The following ORC5 variants were observed in gnomAD, a reference collection of about 807,000 sequenced individuals.
ORC5 encodes the protein protein phosphatase 1, regulatory subunit 117.
Under a neutral mutation model 58.8 loss-of-function variants are expected in ORC5, and 39 were observed. That is an observed-to-expected ratio of 0.66 (90% confidence interval 0.51 to 0.87). The LOEUF is 0.87. Ranked by LOEUF, ORC5 falls within the 40% of genes least tolerant of loss-of-function variation. The probability of loss-of-function intolerance (pLI) is 0.00; values close to 1 mark genes in which losing one functional copy is unlikely to be tolerated. For missense variants in ORC5, 493 were observed against 506.3 expected, an observed-to-expected ratio of 0.97 and a Z score of 0.25; for synonymous variants, 218 against 177.6, an observed-to-expected ratio of 1.23 and a Z score of -1.81.
At chr7:104,141,015 A>G (rs373364634) in intron 12 of ORC5, among the ~76,000 whole-genome samples, 2 of 152,348 alleles carry the variant, frequency 1.3e-5, no homozygotes, top group African/African-American at 4.8e-5. Flanking sequence ...ATGGTGCCAG[A>G]AACTCACCTG....
rs59433751 is a variant in ORC5 at position 104,190,576 on chromosome 7, T to C, written c.554-2195A>G. ...AAATAATCATATTTTAGAAACACAG[T>C]AAAATTTAAAGGGAAACAACCATAT... On this transcript the variant is annotated intron_variant, in intron 5 of 13. Transcript: ENST00000297431. Among the ~76,000 whole-genome samples, 385 of 152,098 alleles carry C rather than the reference T, an allele frequency of 2.5e-3. 16 individuals carry two copies. The East Asian group carries it at 0.068, about 27-fold the overall frequency.
At position 104,129,280 on chromosome 7, in the gene ORC5, C is replaced by A. The variant is rs917739589; in HGVS notation, c.1263-2387G>T. On this transcript the variant is annotated intron_variant, in intron 13 of 13. Transcript: ENST00000297431. This position sits in a 1 kb window ranked among gnomAD's most constrained non-coding sequence, Gnocchi z 4.9. ...AGACTTAATAGAATGAATGGAGTGA[C>A]TTAAAAACACTAAGCAACTTAAATG... Among the ~76,000 whole-genome samples, 3 of 152,094 alleles carry A rather than the reference C, an allele frequency of 2.0e-5. No individual in the cohort carries two copies. Among genetic ancestry groups the A allele is most frequent in the Non-Finnish European group, 1.5e-5 (1 of 68,010 alleles).
intron 11 of ORC5, 116 bp downstream of exon 11, chr7:104,165,119 A>G (rs919596508): frequency 6.7e-6 from 4 of 592,910 alleles, no homozygotes; most frequent in African/African-American, 3.8e-5. Flanking sequence ...TAACGGTACC[A>G]TATCAACACA....
intron 8 of ORC5, among the ~76,000 whole-genome samples, chr7:104,174,270 A>C (rs187167641): frequency 1.3e-5 from 2 of 152,294 alleles, no homozygotes; most frequent in East Asian, 3.9e-4. Context: ...AAACATTCTA[A>C]ATGGTGGGCA....
intron 1 of ORC5, 79 bp downstream of exon 1, chr7:104,207,754 A>T (rs1328122336): frequency 4.5e-5 from 65 of 1,437,218 alleles, no homozygotes; most frequent in Non-Finnish European, 6.3e-5. Context: ...CCAAACACGA[A>T]AAAACAAATA....
chr7:104,172,421 G>A (rs1443608040), intron 8 of ORC5, among the ~76,000 whole-genome samples: 1 of 152,112 alleles, frequency 6.6e-6, no homozygotes, highest in Non-Finnish European at 1.5e-5. Flanking sequence ...TATCTTTGTA[G>A]TATTTCTGCT....
chr7:104,168,507 T>C lies in ORC5; in HGVS notation c.843A>G (p.Leu281=). Residue 281 remains leucine, a synonymous_variant, in exon 9 of 14, where the codon CTA becomes CTG. Coordinates refer to ENST00000297431, the MANE Select transcript of ORC5 (RefSeq NM_002553.4). ...REISSSQWEK[L]QKDDTDPGQL... Reference sequence around the variant, plus strand: ...GCCCCGGATCTGTGTCATCTTTCTGTAGCTTTTCCCACTGGGAACTGAAAA... The same window carrying C: ...GCCCCGGATCTGTGTCATCTTTCTGCAGCTTTTCCCACTGGGAACTGAAAA... The C allele has an allele frequency of 6.3e-7, 1 of 1,577,778 alleles. No homozygotes were observed. The highest frequency in any genetic ancestry group is 8.6e-7 in the Non-Finnish European group (1 of 1,165,608).
At chr7:104,163,184 G>GT (rs1238507412) in intron 11 of ORC5, among the ~76,000 whole-genome samples, 1 of 152,188 alleles carries the variant, frequency 6.6e-6, no homozygotes, top group Non-Finnish European at 1.5e-5. Flanking sequence ...TCAGTGCTAT[G>GT]TGTCTGCCAA....
At chr7:104,169,173 T>C (rs1403095682) in intron 8 of ORC5, among the ~76,000 whole-genome samples, 1 of 152,170 alleles carries the variant, frequency 6.6e-6, no homozygotes, top group Non-Finnish European at 1.5e-5. Flanking sequence ...GATGCAATTG[T>C]CATATACTAT....
chr7:104,149,219 G>C (rs908117912), intron 12 of ORC5, among the ~76,000 whole-genome samples: 2 of 151,964 alleles, frequency 1.3e-5, no homozygotes, highest in Middle Eastern at 3.2e-3. Context: ...AAAAGAAAGG[G>C]TAATGAAAAG....
Position 104,126,544 on chromosome 7 carries a change from T to C in ORC5, c.*304A>G, listed in dbSNP as rs937755151. 4 of 268,486 alleles carry C rather than the reference T, an allele frequency of 1.5e-5. No individual in the cohort carries two copies. In the Admixed American group the frequency reaches 1.6e-4, roughly 11 times the overall value. The allele number at this position is 268,486 out of a possible 1,614,324, so 16.6% of individuals were successfully genotyped here. A position where few individuals can be genotyped will look rare whatever the true frequency, so the allele number is the denominator to read the frequency against. On this transcript the variant is annotated 3_prime_UTR_variant, in exon 14 of 14. Transcript: ENST00000297431. The stretch of plus-strand genomic sequence containing the variant: ...AGAGCAAAATGTAGTCCTAAGTAAA[T>C]GGGTTTCAGGCAATTTCAGTGTTAA...
rs905806075 is a variant in ORC5 at position 104,186,758 on chromosome 7, A to C, written c.684+1493T>G. 4.6e-5 allele frequency among the ~76,000 whole-genome samples: 7 copies of C among 152,200 alleles called. No individual in the cohort carries two copies. In the South Asian group the frequency reaches 6.2e-4, roughly 13 times the overall value. ...GAATATCTTTATTCTTCCATGTTCT[A>C]TATATAGAGAAAACTAAGAACATTG... On this transcript the variant is annotated intron_variant, in intron 6 of 13. Coordinates refer to ENST00000297431, the MANE Select transcript of ORC5 (RefSeq NM_002553.4).
chr7:104,167,079 C>T (rs1239801648), intron 9 of ORC5, among the ~76,000 whole-genome samples, 195 bp from the exon 10 acceptor site: 2 of 152,112 alleles, frequency 1.3e-5, no homozygotes, highest in African/African-American at 4.8e-5. Flanking sequence ...TTTACTCAAT[C>T]TATTATTTTT....
intron 12 of ORC5, among the ~76,000 whole-genome samples, chr7:104,139,373 A>T (rs997514141): frequency 3.9e-5 from 6 of 152,158 alleles, no homozygotes; most frequent in African/African-American, 1.4e-4. Context: ...TAAGCCTTAG[A>T]GATCTTAAGT....
chr7:104,191,565 C>A (rs1448714154), intron 5 of ORC5, among the ~76,000 whole-genome samples: 2 of 150,666 alleles, frequency 1.3e-5, no homozygotes, highest in Non-Finnish European at 3.0e-5. Flanking sequence ...GATTTCAGCC[C>A]TGATGAAAGT....
rs529886362 is a variant in ORC5 at position 104,193,333 on chromosome 7, G to T, written c.553+1810C>A. On this transcript the variant is annotated intron_variant, in intron 5 of 13. Transcript: ENST00000297431. ...TACAAATGTTCTTAGGTAGGAAACTGTAAGTCACTGAAATTTCAGATTGTT... is the reference window on the plus strand; with the variant it reads ...TACAAATGTTCTTAGGTAGGAAACTTTAAGTCACTGAAATTTCAGATTGTT... Among the ~76,000 whole-genome samples, 9 of 152,146 alleles carry T rather than the reference G, an allele frequency of 5.9e-5. No homozygotes were observed. The South Asian group carries it at 1.9e-3, about 32-fold the overall frequency.
intron 2 of ORC5, 101 bp downstream of exon 2, chr7:104,204,041 A>G: frequency 1.7e-6 from 1 of 572,188 alleles, no homozygotes; most frequent in Non-Finnish European, 3.1e-6. Context: ...AGTAATGTAA[A>G]GGTGGTATGT....
chr7:104,128,802 C>T (rs1292564762), intron 13 of ORC5, among the ~76,000 whole-genome samples: 3 of 151,058 alleles, frequency 2.0e-5, no homozygotes, highest in Non-Finnish European at 2.9e-5. Context: ...GGTATTTGTA[C>T]ATCTCTCCAG....
At chr7:104,154,746 T>G (rs573997620) in intron 12 of ORC5, among the ~76,000 whole-genome samples, 1 of 151,898 alleles carries the variant, frequency 6.6e-6, no homozygotes, top group East Asian at 1.9e-4. Context: ...GATTAAAATA[T>G]TTTTATTTAT....
Sources: gnomAD v4.1 joint callset for allele counts (sites outside exome capture counted in the v4.1 genomes callset) on GRCh38, gnomAD v4.1.1 for gene constraint, Gnocchi (gnomAD v3.1) non-coding constraint, MANE v1.5 for transcripts, NCBI Gene and HGNC (gene_info 2026-07-23, HGNC 2026-07-21) for gene names.